CSMD1: variants seen among roughly 807,000 people sequenced by gnomAD.
CSMD1 encodes CUB and Sushi multiple domains 1, also known as CUB and sushi domain-containing protein 1.
In CSMD1, 213 loss-of-function variants were observed where a neutral mutation model predicts 417.5. That is an observed-to-expected ratio of 0.51 (90% CI 0.46 to 0.57). The LOEUF is 0.57. Ranked by LOEUF, CSMD1 falls within the 20% of genes least tolerant of loss-of-function variation. CSMD1 has a pLI of 0.00. For missense variants in CSMD1, 6,923 were observed against 4,529.7 expected, an observed-to-expected ratio of 1.53 and a Z score of -15.17; for synonymous variants, 2,862 against 1,736.8, an observed-to-expected ratio of 1.65 and a Z score of -16.11.
intron 3 of CSMD1, among the ~76,000 whole-genome samples, chr8:4,373,865 T>A (rs1802550614): frequency 6.6e-6 from 1 of 152,210 alleles, no homozygotes; most frequent in African/African-American, 2.4e-5. Flanking sequence ...TATAATTCTT[T>A]CTTTTGCTTT....
At chr8:4,046,089 A>T (rs1400658741) in intron 3 of CSMD1, among the ~76,000 whole-genome samples, 1 of 152,300 alleles carries the variant, frequency 6.6e-6, no homozygotes. Flanking sequence ...CACACATTAT[A>T]TAACATATAA....
At chr8:3,956,304 A>G (rs1811940795) in intron 5 of CSMD1, among the ~76,000 whole-genome samples, 1 of 152,216 alleles carries the variant, frequency 6.6e-6, no homozygotes, top group South Asian at 2.1e-4. Context: ...AACTGTTATT[A>G]TCCCCATCTC....
intron 1 of CSMD1, among the ~76,000 whole-genome samples, chr8:4,914,782 C>A (rs967736421): frequency 2.0e-5 from 3 of 152,062 alleles, no homozygotes; most frequent in African/African-American, 7.2e-5. Flanking sequence ...TGCATGAGTT[C>A]CCATGTAACC....
chr8:3,605,017 T>C (rs538857257), intron 8 of CSMD1, among the ~76,000 whole-genome samples: 11 of 152,302 alleles, frequency 7.2e-5, no homozygotes, highest in Admixed American at 2.6e-4. Context: ...AGTTCTTTTG[T>C]TTTTTTCTTT....
chr8:4,182,911 A>C (rs145257995), intron 3 of CSMD1, among the ~76,000 whole-genome samples: 1 of 152,290 alleles, frequency 6.6e-6, no homozygotes, highest in African/African-American at 2.4e-5. Context: ...AATGTAATTG[A>C]AGACGGTGGA....
At chr8:4,337,269 A>C (rs1002316259) in intron 3 of CSMD1, among the ~76,000 whole-genome samples, 4 of 152,096 alleles carry the variant, frequency 2.6e-5, no homozygotes, top group Non-Finnish European at 5.9e-5. Flanking sequence ...CATGGCAACT[A>C]AATGCTTAAT....
intron 3 of CSMD1, among the ~76,000 whole-genome samples, chr8:4,414,761 A>C (rs1226073052): frequency 6.6e-6 from 1 of 152,172 alleles, no homozygotes; most frequent in East Asian, 1.9e-4. Flanking sequence ...TTTATCCAAA[A>C]ATATTTTTGA....
At chr8:3,374,385 G>C (rs1375199760) in intron 18 of CSMD1, among the ~76,000 whole-genome samples, 1 of 152,098 alleles carries the variant, frequency 6.6e-6, no homozygotes, top group Non-Finnish European at 1.5e-5. Flanking sequence ...TGATGCTTCT[G>C]GGCATAGAAC....
At chr8:3,345,603 T>C (rs764347489) in intron 22 of CSMD1, among the ~76,000 whole-genome samples, 2 of 152,200 alleles carry the variant, frequency 1.3e-5, no homozygotes, top group Non-Finnish European at 2.9e-5. Context: ...TTTTTTCACC[T>C]ATAAGTAGCT....
At chr8:3,832,569 G>C (rs896046128) in intron 5 of CSMD1, among the ~76,000 whole-genome samples, 1 of 152,068 alleles carries the variant, frequency 6.6e-6, no homozygotes, top group Non-Finnish European at 1.5e-5. Context: ...ATCATTTCAA[G>C]ACGTAAAAAA....
chr8:3,991,888 T>C (rs1055174227), intron 5 of CSMD1, among the ~76,000 whole-genome samples: 1 of 152,180 alleles, frequency 6.6e-6, no homozygotes, highest in African/African-American at 2.4e-5. Flanking sequence ...AAAATGGGAA[T>C]AGTAGTATCT....
intron 20 of CSMD1, among the ~76,000 whole-genome samples, chr8:3,366,072 G>T (rs1480516978): frequency 6.6e-6 from 1 of 152,180 alleles, no homozygotes; most frequent in African/African-American, 2.4e-5. Context: ...TAAATTACAT[G>T]TGACTGTGGT....
chr8:3,888,971 A>T (rs1443111983), intron 5 of CSMD1, among the ~76,000 whole-genome samples: 1 of 152,188 alleles, frequency 6.6e-6, no homozygotes, highest in Non-Finnish European at 1.5e-5. Flanking sequence ...ATATTTAAAG[A>T]AACTTTATCC....
At chr8:4,502,972 G>T (rs181087199) in intron 2 of CSMD1, among the ~76,000 whole-genome samples, 162 of 152,182 alleles carry the variant, frequency 1.1e-3, no homozygotes, top group Non-Finnish European at 1.9e-3. Flanking sequence ...AGATTAAACA[G>T]CCTGAAAATC....
chr8:4,925,948 G>A (rs1249886101), intron 1 of CSMD1, among the ~76,000 whole-genome samples: 3 of 152,094 alleles, frequency 2.0e-5, no homozygotes, highest in African/African-American at 7.2e-5. Flanking sequence ...CCAGCCAGAG[G>A]TTTATATTTT....
chr8:4,306,453 A>G (rs73660741), intron 3 of CSMD1, among the ~76,000 whole-genome samples: 114,731 of 151,954 alleles, frequency 0.76, 43,439 homozygotes, highest in East Asian at 0.85. Context: ...AAAATATTTT[A>G]TCACCTCCAT....
intron 1 of CSMD1, among the ~76,000 whole-genome samples, chr8:4,817,084 C>T (rs1273061215): frequency 6.6e-6 from 1 of 151,982 alleles, no homozygotes; most frequent in African/African-American, 2.4e-5. Context: ...GTATATACAA[C>T]TTTATTATGT....
intron 3 of CSMD1, among the ~76,000 whole-genome samples, chr8:4,402,140 T>C (rs1350324759): frequency 1.3e-5 from 2 of 152,152 alleles, no homozygotes; most frequent in African/African-American, 4.8e-5. Context: ...TAATTAGTCA[T>C]ATGGTCAGAG....
intron 1 of CSMD1, among the ~76,000 whole-genome samples, chr8:4,831,098 T>C (rs1447803649): frequency 1.3e-5 from 2 of 152,210 alleles, no homozygotes; most frequent in Non-Finnish European, 2.9e-5. Flanking sequence ...TTTTTTCCAT[T>C]TTACCTATGC....
Sources: gnomAD v4.1 joint callset for allele counts (sites outside exome capture counted in the v4.1 genomes callset) on GRCh38, gnomAD v4.1.1 for gene constraint, MANE v1.5 for transcripts, NCBI Gene and HGNC (gene_info 2026-07-23, HGNC 2026-07-21) for gene names.